The following C5orf34 variants were observed in gnomAD, a reference collection of about 807,000 sequenced individuals.
The protein encoded by C5orf34 is uncharacterized protein C5orf34.
C5orf34 carries 73 observed loss-of-function variants against 78.4 expected under a neutral mutation model. The ratio of observed to expected loss-of-function variants is 0.93; its 90% CI spans 0.77 to 1.13. C5orf34 has a LOEUF of 1.13. Ranked by LOEUF, C5orf34 falls within the 50% of genes most tolerant of loss-of-function variation. The probability of loss-of-function intolerance (pLI) is 0.00; values close to 1 mark genes in which losing one functional copy is unlikely to be tolerated. For missense variants in C5orf34, 730 were observed against 732.7 expected (o/e 1.00, Z 0.04); for synonymous variants, 251 against 246.6 (o/e 1.02, Z -0.17).
chr5:43,498,073 C>T (rs748055607), intron 6 of C5orf34, among the ~76,000 whole-genome samples: 16 of 152,154 alleles, frequency 1.1e-4, no homozygotes, highest in Non-Finnish European at 2.2e-4. Flanking sequence ...TCTAATCCTG[C>T]CTCTTGGTCT....
Position 43,490,656 on chromosome 5 carries a change from A to C in C5orf34, c.1654T>G (p.Ser552Ala). 6.2e-7 allele frequency: 1 copy of C among 1,609,692 alleles called. No individual in the cohort carries two copies. Among genetic ancestry groups the C allele is most frequent in the Non-Finnish European group, 8.5e-7 (1 of 1,176,208 alleles). The change falls in exon 11 of 13, where the codon TCA becomes GCA. Residue 552 changes from serine (S) to alanine (A), a missense_variant. Physicochemically the swap from Ser to Ala is moderately conservative, Grantham distance 99 (BLOSUM62 1). Coordinates refer to ENST00000306862, the MANE Select transcript of C5orf34 (RefSeq NM_198566.4). ...TSPREMPTHS[S>A]SSVLQENWSV... ...CAATTTTCTTGGAGAACAGAAGATG[A>C]CGAATGAGTGGGCATCTCTCTGGGA...
intron 2 of C5orf34, 66 bp downstream of exon 2, chr5:43,509,079 T>C: frequency 7.6e-7 from 1 of 1,311,122 alleles, no homozygotes; most frequent in Non-Finnish European, 1.1e-6. Flanking sequence ...TACTCCAGCC[T>C]GGGTGACAGA....
chr5:43,514,483 TCTTTTTTTTA>T (rs905692530), intron 1 of C5orf34, among the ~76,000 whole-genome samples: 1 of 152,084 alleles, frequency 6.6e-6, no homozygotes, highest in African/African-American at 2.4e-5. Context: ...TTTGGTCAGG[TCTTTTTTTTA>T]ATAGCTTTAC....
chr5:43,497,767 C>A (rs755774830), intron 6 of C5orf34, among the ~76,000 whole-genome samples: 66 of 152,188 alleles, frequency 4.3e-4, no homozygotes, highest in Non-Finnish European at 7.1e-4. Context: ...ACAGACCTGA[C>A]TATCTAAATC....
intron 7 of C5orf34, among the ~76,000 whole-genome samples, 173 bp from the exon 8 acceptor site, chr5:43,493,785 G>A (rs1745385260): frequency 1.3e-5 from 2 of 152,096 alleles, no homozygotes; most frequent in African/African-American, 2.4e-5. Flanking sequence ...GGGAAATACT[G>A]TTGCTTCCCT....
In C5orf34 at chr5:43,492,722, G is replaced by T. The variant is rs138091140; in HGVS notation, c.1483C>A (p.Gln495Lys). ...WNFSSPIEKR[Q>K]VNQGLNLGWC... ...ATCTAAGTCTGAAGTATACCCACCTGTCTCTTCTCAATAGGAGAGCTGAAA... is the reference window on the plus strand; with the variant it reads ...ATCTAAGTCTGAAGTATACCCACCTTTCTCTTCTCAATAGGAGAGCTGAAA... Residue 495 changes from glutamine (Q) to lysine (K), a missense_variant and splice_region_variant, in exon 9 of 13, where the codon CAG becomes AAG. Gln to Lys is a moderately conservative substitution (Grantham distance 53). Coordinates refer to ENST00000306862, the MANE Select transcript of C5orf34 (RefSeq NM_198566.4). The T allele has an allele frequency of 1.7e-3, 2,672 of 1,610,394 alleles. 41 individuals are homozygous for T. The African/African-American group carries it at 0.033, about 20-fold the overall frequency.
chr5:43,490,526 AAG>A (rs1745236378), intron 11 of C5orf34, 103 bp downstream of exon 11: 12 of 697,348 alleles, frequency 1.7e-5, no homozygotes, highest in Non-Finnish European at 2.5e-5. Flanking sequence ...ATTCAAAACT[AAG>A]AAAGTTTTTT....
intron 6 of C5orf34, among the ~76,000 whole-genome samples, chr5:43,497,011 G>A (rs1377515331): frequency 6.6e-6 from 1 of 151,972 alleles, no homozygotes; most frequent in Non-Finnish European, 1.5e-5. Context: ...AAAAGACATG[G>A]ATATATAGAT....
At chr5:43,496,877 T>C (rs1264140073) in intron 6 of C5orf34, among the ~76,000 whole-genome samples, 6 of 152,198 alleles carry the variant, frequency 3.9e-5, no homozygotes, top group Non-Finnish European at 7.3e-5. Flanking sequence ...GCCCAAAAGT[T>C]ACATTCTAAT....
At chr5:43,491,245 ATTGG>A in intron 10 of C5orf34, among the ~76,000 whole-genome samples, 1 of 152,330 alleles carries the variant, frequency 6.6e-6, no homozygotes, top group South Asian at 2.1e-4. Context: ...ATCTGAAATG[ATTGG>A]CTGAATCAAT....
At chr5:43,512,026 TAAAAA>T (rs11299417) in intron 1 of C5orf34, among the ~76,000 whole-genome samples, 1 of 119,578 alleles carries the variant, frequency 8.4e-6, no homozygotes, top group African/African-American at 3.2e-5. Context: ...AATGATCAAC[TAAAAA>T]AAAAAAAAAA....
chr5:43,502,236 A>C, intron 6 of C5orf34, 136 bp downstream of exon 6: 1 of 829,716 alleles, frequency 1.2e-6, no homozygotes, highest in South Asian at 1.6e-5. Flanking sequence ...GCTGGCAGTA[A>C]GATTATATTA....
chr5:43,495,005 A>G, intron 6 of C5orf34: 2 of 1,269,200 alleles, frequency 1.6e-6, no homozygotes, highest in South Asian at 2.5e-5. Flanking sequence ...GCCAATTGAA[A>G]CAAACAGTTC....
rs1299033130 is a variant in C5orf34 at position 43,493,539 on chromosome 5, A to G, written c.1314+4T>C. ...ATCTTGCTTTTAAAATAATTTTAACATACCATTTTCCAGCAGCATATACGA... is the reference window on the plus strand; with the variant it reads ...ATCTTGCTTTTAAAATAATTTTAACGTACCATTTTCCAGCAGCATATACGA... On this transcript the variant is annotated splice_donor_region_variant and intron_variant, in intron 8 of 12. Transcript: ENST00000306862. 6.7e-7 allele frequency: 1 copy of G among 1,491,246 alleles called. No individual in the cohort carries two copies. Among genetic ancestry groups the G allele is most frequent in the South Asian group, 1.2e-5 (1 of 84,378 alleles). 92.4% of individuals were successfully genotyped at this position (1,491,246 alleles called of 1,614,324 possible).
In C5orf34 at chr5:43,508,269, T is replaced by G. The variant is rs569442933; in HGVS notation, c.285+308A>C. On this transcript the variant is annotated intron_variant, in intron 3 of 12. Transcript: ENST00000306862. The stretch of plus-strand genomic sequence containing the variant: ...CAAACACAATACTATATAAGCAAAA[T>G]AATAAAGGTCATACCCATAGTTACA... Among the ~76,000 whole-genome samples, 6 of 152,240 alleles carry G rather than the reference T, an allele frequency of 3.9e-5. No individual in the cohort carries two copies. The East Asian group carries it at 1.2e-3, about 29-fold the overall frequency.
In C5orf34 at chr5:43,492,820, C is replaced by T; in HGVS notation, c.1385G>A (p.Arg462Lys). 1 of 1,612,634 alleles carries T rather than the reference C, an allele frequency of 6.2e-7. No individual in the cohort carries two copies. The highest frequency in any genetic ancestry group is 1.1e-5 in the South Asian group (1 of 91,028). Residue 462 changes from arginine to lysine, a missense_variant, in exon 9 of 13, where the codon AGA becomes AAA. Transcript: ENST00000306862. The stretch of plus-strand genomic sequence containing the variant: ...TTTGTCATCAGAGTAGGCAAGAAAT[C>T]TTCCCACACTGGGTATGAGTGACTC... Reference protein sequence around the residue: ...LKESLIPSVGRFLAYSDDKVH... With the variant: ...LKESLIPSVGKFLAYSDDKVH...
intron 7 of C5orf34, 131 bp from the exon 8 acceptor site, chr5:43,493,743 T>C (rs1229609064): frequency 8.9e-6 from 5 of 563,854 alleles, no homozygotes; most frequent in Non-Finnish European, 1.6e-5. Flanking sequence ...TGGGAACTCT[T>C]TTTTTCTCCA....
chr5:43,494,770 A>AT (rs766158592), intron 6 of C5orf34, among the ~76,000 whole-genome samples, 169 bp from the exon 7 acceptor site: 146 of 149,004 alleles, frequency 9.8e-4, no homozygotes, highest in African/African-American at 3.1e-3. Flanking sequence ...TCATTTTCCC[A>AT]TTTTTTTTTT....
Position 43,492,220 on chromosome 5 carries a change from A to AT in C5orf34, c.1574dup (p.Tyr525Ter), listed in dbSNP as rs1561207091. The change falls in exon 10 of 13, where the codon TAT becomes TAAT. Residue 525 changes from tyrosine to a stop codon, truncating the protein, a stop_gained and frameshift_variant. Transcript: ENST00000306862. LOFTEE classifies it high-confidence loss of function. ...TTAAAATTGCTTTTCAGTACCTTTC[A>AT]TATGGTTCAGGGTGTTCAATCTGAA... ...QLIQIEHPEPYERYVTTVTSW... is the reference protein window; with the variant it reads ...QLIQIEHPEP 6.3e-7 allele frequency: 1 copy of AT among 1,598,966 alleles called. No homozygotes were observed. The highest frequency in any genetic ancestry group is 8.5e-7 in the Non-Finnish European group (1 of 1,174,148).
Sources: allele counts gnomAD v4.1 joint callset (sites outside exome capture counted in the v4.1 genomes callset), GRCh38; gene constraint gnomAD v4.1.1; transcripts MANE v1.5; gene names NCBI Gene and HGNC (gene_info 2026-07-23, HGNC 2026-07-21).